Variants in CHRM2 observed in about 807,000 individuals in gnomAD.
The protein encoded by CHRM2 is muscarinic acetylcholine receptor M2.
Under a neutral mutation model 25.0 loss-of-function variants are expected in CHRM2, and 8 were observed. The ratio of observed to expected loss-of-function variants is 0.32; its 90% CI spans 0.19 to 0.58. The LOEUF is 0.58. Ranked by LOEUF, CHRM2 falls within the 20% of genes least tolerant of loss-of-function variation. The pLI is 0.88. For missense variants in CHRM2, 440 were observed against 567.1 expected, an observed-to-expected ratio of 0.78 and a Z score of 2.28; for synonymous variants, 202 against 205.7, an observed-to-expected ratio of 0.98 and a Z score of 0.15.
At position 137,015,129 on chromosome 7, in the gene CHRM2, C is replaced by T; in HGVS notation, c.264C>T (p.Tyr88=). ...NLYTLYTVIG[Y]WPLGPVVCDL... is the part of the protein sequence containing the mutation. ...ACACCCTCTACACTGTGATTGGTTA[C>T]TGGCCTTTGGGACCTGTGGTGTGTG... Residue 88 remains tyrosine, a synonymous_variant, in exon 4 of 4, where the codon TAC becomes TAT. Transcript: ENST00000680005. The surrounding 1 kb of genome is among the most constrained non-coding windows in gnomAD (Gnocchi z 5.1). 2 of 1,613,550 alleles carry T rather than the reference C, an allele frequency of 1.2e-6. No homozygotes were observed. The highest frequency in any genetic ancestry group is 1.7e-6 in the Non-Finnish European group (2 of 1,179,638).
intron 2 of CHRM2, among the ~76,000 whole-genome samples, chr7:136,915,743 C>T (rs2130706795): frequency 6.6e-6 from 1 of 151,862 alleles, no homozygotes; most frequent in Non-Finnish European, 1.5e-5. Context: ...GAACTCTTGT[C>T]CACACTGCCA....
At chr7:136,889,625 G>T (rs571076968) in intron 2 of CHRM2, among the ~76,000 whole-genome samples, 1 of 152,206 alleles carries the variant, frequency 6.6e-6, no homozygotes, top group African/African-American at 2.4e-5. Flanking sequence ...ACCAATGCCT[G>T]CAATTACTTT....
chr7:136,921,794 C>CTTTTTTTTTTTTTTTTTTTTTTTT (rs398006503), intron 2 of CHRM2, among the ~76,000 whole-genome samples: 6 of 116,532 alleles, frequency 5.1e-5, no homozygotes, highest in Non-Finnish European at 1.2e-4. Flanking sequence ...TTCTTTCTTT[C>CTTTTTTTTTTTTTTTTTTTTTTTT]TTTTTTTTGA....
At chr7:136,911,464 T>G (rs1797838305) in intron 2 of CHRM2, among the ~76,000 whole-genome samples, 2 of 151,944 alleles carry the variant, frequency 1.3e-5, no homozygotes, top group African/African-American at 2.4e-5. Context: ...CCCAGTGTCA[T>G]ACAACTAGTT....
intron 2 of CHRM2, among the ~76,000 whole-genome samples, chr7:136,907,571 T>C (rs186604646): frequency 1.3e-5 from 2 of 152,070 alleles, no homozygotes; most frequent in South Asian, 2.1e-4. Flanking sequence ...ATTTTTCATA[T>C]CTAGGAATCA....
intron 3 of CHRM2, among the ~76,000 whole-genome samples, chr7:137,010,885 G>T (rs1261824029): frequency 6.6e-6 from 1 of 151,872 alleles, no homozygotes. Context: ...TTACTGGATA[G>T]AGTATAATTC....
intron 2 of CHRM2, among the ~76,000 whole-genome samples, chr7:136,952,578 CT>C (rs11348809): frequency 0.65 from 97,861 of 151,056 alleles, 32,155 homozygotes; most frequent in African/African-American, 0.71. Context: ...TTTTTTAAAA[CT>C]TTTTTTTTTA....
At chr7:136,922,978 A>C (rs1439683369) in intron 2 of CHRM2, among the ~76,000 whole-genome samples, 1 of 152,184 alleles carries the variant, frequency 6.6e-6, no homozygotes, top group Non-Finnish European at 1.5e-5. Flanking sequence ...TTATAATAGG[A>C]ATGGTGTAAA....
At chr7:136,938,875 CT>C (rs71176357) in intron 2 of CHRM2, among the ~76,000 whole-genome samples, 9 of 116,918 alleles carry the variant, frequency 7.7e-5, no homozygotes, top group African/African-American at 7.0e-5. Flanking sequence ...TACAAAGTTG[CT>C]TTTTTTTTGG....
At chr7:137,005,892 T>C (rs930734419) in intron 3 of CHRM2, among the ~76,000 whole-genome samples, 50 of 152,256 alleles carry the variant, frequency 3.3e-4, no homozygotes, top group African/African-American at 1.2e-3. Flanking sequence ...AAGCCGACTA[T>C]ACAAATTTCC....
chr7:136,959,159 A>C (rs1800909796), intron 2 of CHRM2, among the ~76,000 whole-genome samples: 1 of 152,226 alleles, frequency 6.6e-6, no homozygotes, highest in Non-Finnish European at 1.5e-5. Flanking sequence ...TCTATCCTCT[A>C]ATAGTGCTCT....
In CHRM2 at chr7:137,015,638, A is replaced by G. The variant is rs142006633; in HGVS notation, c.773A>G (p.Asn258Ser). 1.2e-3 allele frequency: 2,016 copies of G among 1,613,034 alleles called. 5 individuals are homozygous for G. In the Middle Eastern group the frequency reaches 0.02, roughly 16 times the overall value. Reference protein sequence around the residue: ...MPSSDDGLEHNKIQNGKAPRD... With the variant: ...MPSSDDGLEHSKIQNGKAPRD... ...AGCAGTGACGATGGCCTGGAGCACAACAAAATCCAGAATGGCAAAGCCCCC... is the reference window on the plus strand; with the variant it reads ...AGCAGTGACGATGGCCTGGAGCACAGCAAAATCCAGAATGGCAAAGCCCCC... Residue 258 changes from asparagine (N) to serine (S), a missense_variant, in exon 4 of 4, where the codon AAC becomes AGC. Physicochemically the swap from Asn to Ser is conservative, Grantham distance 46. Transcript: ENST00000680005. This position sits in a 1 kb window ranked among gnomAD's most constrained non-coding sequence, Gnocchi z 5.1.
chr7:136,901,569 C>T (rs757722516), intron 2 of CHRM2, among the ~76,000 whole-genome samples: 1 of 151,982 alleles, frequency 6.6e-6, no homozygotes, highest in Non-Finnish European at 1.5e-5. Flanking sequence ...TAGCAATGAT[C>T]TTTGGACCCT....
At chr7:136,932,892 T>C (rs997209197) in intron 2 of CHRM2, among the ~76,000 whole-genome samples, 1 of 152,264 alleles carries the variant, frequency 6.6e-6, no homozygotes, top group African/African-American at 2.4e-5. Context: ...TAGCTGGGCA[T>C]GGTGGCGTGC....
chr7:136,959,910 C>CA (rs1563091614), intron 2 of CHRM2, among the ~76,000 whole-genome samples: 1 of 151,798 alleles, frequency 6.6e-6, no homozygotes, highest in South Asian at 2.1e-4. Context: ...AAACTCCGTC[C>CA]AAAAAACAAA....
At chr7:136,937,897 A>G (rs1446864498) in intron 2 of CHRM2, among the ~76,000 whole-genome samples, 1 of 152,086 alleles carries the variant, frequency 6.6e-6, no homozygotes, top group Non-Finnish European at 1.5e-5. Flanking sequence ...CATTTTTTGC[A>G]TGAGTTAGTG....
chr7:136,891,246 T>A (rs79845409), intron 2 of CHRM2, among the ~76,000 whole-genome samples: 2,990 of 152,276 alleles, frequency 0.02, 92 homozygotes, highest in African/African-American at 0.068. Flanking sequence ...TCTTTCTGAT[T>A]GGTGTCCCAT....
At chr7:137,005,016 T>A (rs573507267) in intron 3 of CHRM2, among the ~76,000 whole-genome samples, 1 of 152,250 alleles carries the variant, frequency 6.6e-6, no homozygotes, top group South Asian at 2.1e-4. Flanking sequence ...CTTCGTTGAA[T>A]CTGGTATGAA....
intron 2 of CHRM2, among the ~76,000 whole-genome samples, chr7:136,975,428 G>T (rs546471728): frequency 4.6e-5 from 7 of 152,176 alleles, no homozygotes; most frequent in African/African-American, 1.7e-4. Flanking sequence ...CAGTAGAGAA[G>T]GACAGGGGAA....
Sources: allele counts gnomAD v4.1 joint callset (sites outside exome capture counted in the v4.1 genomes callset), GRCh38; gene constraint gnomAD v4.1.1; non-coding constraint Gnocchi (gnomAD v3.1); transcripts MANE v1.5; gene names NCBI Gene and HGNC (gene_info 2026-07-23, HGNC 2026-07-21).